Variants in CDH18 observed in about 807,000 individuals in gnomAD.
The protein encoded by CDH18 is cadherin-18.
In CDH18, 31 loss-of-function variants were observed where a neutral mutation model predicts 67.9. That is an observed-to-expected ratio of 0.46 (90% CI 0.34 to 0.62). The LOEUF is 0.62. CDH18 is among the 20% of genes least tolerant of loss of function. The pLI is 0.01. For synonymous variants in CDH18, 362 were observed against 347.2 expected (o/e 1.04, Z -0.48); for missense variants, 890 against 975.5 (o/e 0.91, Z 1.17).
At chr5:20,533,354 C>T (rs570549351) in intron 1 of CDH18, among the ~76,000 whole-genome samples, 2 of 152,100 alleles carry the variant, frequency 1.3e-5, no homozygotes, top group Admixed American at 6.6e-5. Context: ...ATTATGATAG[C>T]CCTGGCAAAT....
intron 2 of CDH18, among the ~76,000 whole-genome samples, chr5:20,129,662 G>A (rs572932567): frequency 2.6e-4 from 39 of 151,922 alleles, no homozygotes; most frequent in Non-Finnish European, 5.3e-4. Flanking sequence ...CCAAGTAGGC[G>A]GAGCTCCTTC....
chr5:19,858,624 G>A (rs1274474747), intron 2 of CDH18, among the ~76,000 whole-genome samples: 1 of 152,126 alleles, frequency 6.6e-6, no homozygotes, highest in African/African-American at 2.4e-5. Context: ...AGAAAGTGAA[G>A]ATAAAGTTTG....
At chr5:20,432,037 C>G (rs1443775738) in intron 1 of CDH18, among the ~76,000 whole-genome samples, 1 of 152,078 alleles carries the variant, frequency 6.6e-6, no homozygotes, top group Non-Finnish European at 1.5e-5. Flanking sequence ...GAAATGATCT[C>G]AAACCTGGAA....
intron 2 of CDH18, among the ~76,000 whole-genome samples, chr5:20,004,583 G>A (rs1242604897): frequency 2.6e-5 from 4 of 152,180 alleles, no homozygotes; most frequent in Non-Finnish European, 4.4e-5. Flanking sequence ...AAGCAGTAAT[G>A]AAGATATCTA....
chr5:20,560,320 TA>T (rs1758128934), intron 1 of CDH18, among the ~76,000 whole-genome samples: 1 of 152,040 alleles, frequency 6.6e-6, no homozygotes, highest in Non-Finnish European at 1.5e-5. Flanking sequence ...GTCACAATCA[TA>T]TTACACTTTT....
At chr5:19,532,069 T>C (rs148823637) in intron 9 of CDH18, among the ~76,000 whole-genome samples, 3 of 152,188 alleles carry the variant, frequency 2.0e-5, no homozygotes, top group East Asian at 1.9e-4. Context: ...AATTTTACTA[T>C]GTAAATTGCT....
intron 8 of CDH18, among the ~76,000 whole-genome samples, chr5:19,553,274 A>G (rs756852156): frequency 1.3e-5 from 2 of 152,114 alleles, no homozygotes; most frequent in Middle Eastern, 3.2e-3. Context: ...TTTTCATTAT[A>G]TTCTGTCCAT....
At chr5:20,095,877 A>G (rs1173178539) in intron 2 of CDH18, among the ~76,000 whole-genome samples, 2 of 152,090 alleles carry the variant, frequency 1.3e-5, no homozygotes, top group Non-Finnish European at 2.9e-5. Flanking sequence ...AAAATAATTT[A>G]AATTAAAAAC....
At chr5:19,841,721 T>C (rs1014221111) in intron 2 of CDH18, among the ~76,000 whole-genome samples, 3 of 152,142 alleles carry the variant, frequency 2.0e-5, no homozygotes, top group Admixed American at 6.6e-5. Context: ...CTAAGTTGTT[T>C]AACAAAGCTT....
chr5:20,480,951 A>G (rs1418365580), intron 1 of CDH18, among the ~76,000 whole-genome samples: 1 of 152,180 alleles, frequency 6.6e-6, no homozygotes, highest in Non-Finnish European at 1.5e-5. Flanking sequence ...AGACCACAAA[A>G]AATGGAAACA....
intron 2 of CDH18, among the ~76,000 whole-genome samples, chr5:19,955,534 C>T (rs572078875): frequency 6.6e-6 from 1 of 152,092 alleles, no homozygotes; most frequent in East Asian, 1.9e-4. Context: ...TTAAAGAATA[C>T]ACATTAAGAG....
chr5:20,221,629 T>G, intron 2 of CDH18, among the ~76,000 whole-genome samples: 1 of 152,224 alleles, frequency 6.6e-6, no homozygotes, highest in South Asian at 2.1e-4. Context: ...TTGGATTGTT[T>G]TTAACACAAA....
intron 2 of CDH18, among the ~76,000 whole-genome samples, chr5:20,010,164 G>GTGTGTA (rs1425233714): frequency 6.7e-6 from 1 of 150,326 alleles, no homozygotes; most frequent in East Asian, 1.9e-4. Flanking sequence ...AAAGTGGTGT[G>GTGTGTA]TGTGTGTGTG....
chr5:20,012,226 T>G (rs558771835), intron 2 of CDH18, among the ~76,000 whole-genome samples: 1 of 152,066 alleles, frequency 6.6e-6, no homozygotes, highest in South Asian at 2.1e-4. Context: ...ATGTGAATGG[T>G]GGTGTTTATA....
intron 5 of CDH18, among the ~76,000 whole-genome samples, chr5:19,639,544 G>T (rs911183201): frequency 6.6e-6 from 1 of 152,102 alleles, no homozygotes; most frequent in East Asian, 1.9e-4. Context: ...GGGACAAAGC[G>T]ACTACACCCT....
chr5:20,230,000 C>T (rs1465313298), intron 2 of CDH18, among the ~76,000 whole-genome samples: 2 of 152,148 alleles, frequency 1.3e-5, no homozygotes, highest in Non-Finnish European at 1.5e-5. Context: ...ACTGCAGTTA[C>T]CAGCATCTAT....
At chr5:20,114,423 A>G (rs1208670557) in intron 2 of CDH18, among the ~76,000 whole-genome samples, 1 of 152,164 alleles carries the variant, frequency 6.6e-6, no homozygotes, top group Non-Finnish European at 1.5e-5. Context: ...AAGAATCAGC[A>G]AAAGTGATTC....
At chr5:20,427,804 A>C (rs762041782) in intron 1 of CDH18, among the ~76,000 whole-genome samples, 2 of 151,240 alleles carry the variant, frequency 1.3e-5, no homozygotes, top group Non-Finnish European at 2.9e-5. Context: ...CTAATGTTTC[A>C]GAAAAAAAGT....
At chr5:20,180,722 G>C (rs1230281132) in intron 2 of CDH18, among the ~76,000 whole-genome samples, 1 of 151,982 alleles carries the variant, frequency 6.6e-6, no homozygotes, top group African/African-American at 2.4e-5. Flanking sequence ...TGGCACCATG[G>C]GGCCAGAAGG....
Sources: allele counts gnomAD v4.1 joint callset (sites outside exome capture counted in the v4.1 genomes callset), GRCh38; gene constraint gnomAD v4.1.1; transcripts MANE v1.5; gene names NCBI Gene and HGNC (gene_info 2026-07-23, HGNC 2026-07-21).